Variants in UNC5C observed in about 807,000 individuals in gnomAD.
UNC5C encodes the protein netrin receptor UNC5C.
A neutral mutation model predicts 99.8 loss-of-function variants in UNC5C; 47 were observed. That is an observed-to-expected ratio of 0.47 (90% CI 0.37 to 0.60). The LOEUF (loss-of-function observed/expected upper bound fraction) is 0.60, where lower values mean the gene tolerates loss of function less well. Among genes scored for constraint, UNC5C ranks in the 20% least tolerant of loss-of-function variants. The pLI, the probability that UNC5C is intolerant of heterozygous loss-of-function variation, is 0.00. For synonymous variants in UNC5C, 487 were observed against 452.2 expected (o/e 1.08, Z -0.98); for missense variants, 1,062 against 1,165.9 (o/e 0.91, Z 1.30).
In UNC5C at chr4:95,167,145, A is replaced by G. The variant is rs1481699644; in HGVS notation, c.*2089T>C. On this transcript the variant is annotated 3_prime_UTR_variant, in exon 16 of 16. Transcript: ENST00000453304. ...AAAATAGGAGCGGAAACATGGAAAG[A>G]TGGAAGCACATGTATAATTCAAGTC... The G allele has an allele frequency of 6.6e-6, 1 of 152,228 alleles. No homozygotes were observed. Among genetic ancestry groups the G allele is most frequent in the Non-Finnish European group, 1.5e-5 (1 of 68,040 alleles). 9.4% of individuals were successfully genotyped at this position (152,228 alleles called of 1,614,324 possible).
chr4:95,505,716 A>G (rs1400707379), intron 1 of UNC5C, among the ~76,000 whole-genome samples: 2 of 152,048 alleles, frequency 1.3e-5, no homozygotes, highest in East Asian at 1.9e-4. Context: ...CTACTGGGGG[A>G]AAATATGTGT....
At chr4:95,193,797 C>A (rs948509663) in intron 12 of UNC5C, among the ~76,000 whole-genome samples, 2 of 152,178 alleles carry the variant, frequency 1.3e-5, no homozygotes, top group African/African-American at 2.4e-5. Context: ...TCTGTCCCCT[C>A]CTCTCCGGCT....
intron 1 of UNC5C, among the ~76,000 whole-genome samples, chr4:95,492,050 G>C (rs933417726): frequency 6.6e-6 from 1 of 151,534 alleles, no homozygotes; most frequent in African/African-American, 2.4e-5. Context: ...TGCTTTGTCT[G>C]TGTGTGTGAG....
intron 1 of UNC5C, among the ~76,000 whole-genome samples, chr4:95,471,829 CT>C (rs112882888): frequency 1.2e-3 from 180 of 146,510 alleles, no homozygotes; most frequent in African/African-American, 2.5e-3. Context: ...TGCATTTTGT[CT>C]TTTTTTTTTT....
At chr4:95,444,904 G>A (rs1047027247) in intron 1 of UNC5C, among the ~76,000 whole-genome samples, 2 of 152,108 alleles carry the variant, frequency 1.3e-5, no homozygotes, top group African/African-American at 4.8e-5. Context: ...ATTTAGAAAT[G>A]TACAGAGAAA....
chr4:95,274,917 C>T (rs1740800264), intron 4 of UNC5C, among the ~76,000 whole-genome samples: 1 of 151,920 alleles, frequency 6.6e-6, no homozygotes, highest in Admixed American at 6.6e-5. Context: ...TTCCAGCTAC[C>T]CAGAAGGCTG....
Position 95,244,987 on chromosome 4 carries a change from C to G in UNC5C, c.933G>C (p.Thr311=), listed in dbSNP as rs773385589. The G allele has an allele frequency of 1.2e-6, 2 of 1,613,782 alleles. No homozygotes were observed. The highest frequency in any genetic ancestry group is 1.3e-5 in the African/African-American group (1 of 74,900). The change falls in exon 6 of 16, where the codon ACG becomes ACC. Residue 311 remains threonine, a synonymous_variant. Coordinates refer to ENST00000453304, the MANE Select transcript of UNC5C (RefSeq NM_003728.4). ...GACTGGTTTATTTACCTGGGCATAACGTAGTACAGGCTATTTTCTGCACAC... is the reference window on the plus strand; with the variant it reads ...GACTGGTTTATTTACCTGGGCATAAGGTAGTACAGGCTATTTTCTGCACAC... ...GQSVQKIACT[T]LCPVDGRWTP...
intron 1 of UNC5C, among the ~76,000 whole-genome samples, chr4:95,351,020 ACTGGGGACTAGAGC>A (rs1373162394): frequency 6.6e-6 from 1 of 152,114 alleles, no homozygotes; most frequent in African/African-American, 2.4e-5. Context: ...TGATTGAATA[ACTGGGGACTAGAGC>A]CTGGCCAGGC....
intron 7 of UNC5C, among the ~76,000 whole-genome samples, chr4:95,234,557 AT>A (rs1279523637): frequency 3.3e-5 from 5 of 152,274 alleles, no homozygotes; most frequent in South Asian, 4.1e-4. Flanking sequence ...ACTTTTTAAA[AT>A]GTAGTTTTGA....
intron 2 of UNC5C, among the ~76,000 whole-genome samples, chr4:95,315,250 C>T (rs1579318231): frequency 6.6e-6 from 1 of 151,988 alleles, no homozygotes. Flanking sequence ...TTAGACACCC[C>T]CTACTCCCAA....
At chr4:95,228,847 G>A (rs1299713737) in intron 7 of UNC5C, among the ~76,000 whole-genome samples, 1 of 152,060 alleles carries the variant, frequency 6.6e-6, no homozygotes, top group Non-Finnish European at 1.5e-5. Flanking sequence ...GCATAGAGAG[G>A]TTGTCTCCTT....
chr4:95,240,627 CAA>C (rs1180162518), intron 7 of UNC5C, among the ~76,000 whole-genome samples: 6 of 151,978 alleles, frequency 3.9e-5, no homozygotes, highest in Non-Finnish European at 7.4e-5. Context: ...CAAACAAAAA[CAA>C]ACACAAACAC....
intron 1 of UNC5C, among the ~76,000 whole-genome samples, chr4:95,430,822 C>A (rs962863452): frequency 6.6e-6 from 1 of 152,014 alleles, no homozygotes; most frequent in Non-Finnish European, 1.5e-5. Flanking sequence ...AGCCTAAGAA[C>A]GTGAAAGAAC....
intron 1 of UNC5C, among the ~76,000 whole-genome samples, chr4:95,434,960 T>C (rs1434902133): frequency 1.3e-5 from 2 of 152,070 alleles, no homozygotes; most frequent in Non-Finnish European, 2.9e-5. Context: ...GTTTTGCTCT[T>C]GCAGAAAAAC....
At chr4:95,449,973 T>C (rs1259809882) in intron 1 of UNC5C, among the ~76,000 whole-genome samples, 1 of 152,204 alleles carries the variant, frequency 6.6e-6, no homozygotes, top group Non-Finnish European at 1.5e-5. Context: ...CCAAGTTTCT[T>C]GTTACTGTCA....
intron 1 of UNC5C, among the ~76,000 whole-genome samples, chr4:95,499,004 C>T (rs1436908020): frequency 6.6e-6 from 1 of 152,030 alleles, no homozygotes; most frequent in Middle Eastern, 3.2e-3. Flanking sequence ...ATAATGAAAC[C>T]TCTTTTTCCT....
chr4:95,462,549 T>C (rs189183459), intron 1 of UNC5C, among the ~76,000 whole-genome samples: 2 of 152,292 alleles, frequency 1.3e-5, no homozygotes, highest in Non-Finnish European at 1.5e-5. Context: ...TAACTTCTTG[T>C]AATATGGCAA....
At chr4:95,246,997 C>A (rs1025337652) in intron 5 of UNC5C, among the ~76,000 whole-genome samples, 1 of 151,544 alleles carries the variant, frequency 6.6e-6, no homozygotes, top group African/African-American at 2.4e-5. Context: ...GCCAAGATTG[C>A]GCCACTGCAC....
rs1419389277 is a variant in UNC5C at position 95,167,867 on chromosome 4, AGACTGGAGGCATCACG to A, written c.*1351_*1366del. ...ATTGTGGTCTTCAGACTGATGAATG[AGACTGGAGGCATCACG>A]GTGGAAGTTGAGCATTTCAGAACTT... On this transcript the variant is annotated 3_prime_UTR_variant, in exon 16 of 16. Coordinates refer to ENST00000453304, the MANE Select transcript of UNC5C (RefSeq NM_003728.4). 1 of 152,230 alleles carries A rather than the reference AGACTGGAGGCATCACG, an allele frequency of 6.6e-6. No homozygotes were observed. Among genetic ancestry groups the A allele is most frequent in the Non-Finnish European group, 1.5e-5 (1 of 68,042 alleles). 9.4% of individuals were successfully genotyped at this position (152,230 alleles called of 1,614,324 possible).
Sources: allele counts gnomAD v4.1 joint callset (sites outside exome capture counted in the v4.1 genomes callset), GRCh38; gene constraint gnomAD v4.1.1; transcripts MANE v1.5; gene names NCBI Gene and HGNC (gene_info 2026-07-23, HGNC 2026-07-21).